The following EML1 variants were observed in gnomAD, a reference collection of about 807,000 sequenced individuals.
The protein encoded by EML1 is echinoderm microtubule-associated protein-like 1.
EML1 carries 27 observed loss-of-function variants against 110.4 expected under a neutral mutation model. That is an observed-to-expected ratio of 0.24 (90% CI 0.18 to 0.34). The LOEUF is 0.34. Among genes scored for constraint, EML1 ranks in the 10% least tolerant of loss-of-function variants. The probability of loss-of-function intolerance (pLI) is 1.00; values close to 1 mark genes in which losing one functional copy is unlikely to be tolerated. For synonymous variants in EML1, 344 were observed against 385.8 expected (o/e 0.89, Z 1.27); for missense variants, 741 against 1,030.9 (o/e 0.72, Z 3.85).
At chr14:99,804,572 T>C (rs1348309083) in intron 1 of EML1, among the ~76,000 whole-genome samples, 1 of 152,150 alleles carries the variant, frequency 6.6e-6, no homozygotes, top group African/African-American at 2.4e-5. Context: ...CTGTCCATGG[T>C]ATACTAAGTA....
chr14:99,937,682 C>T lies in EML1; in HGVS notation c.2096-135C>T, dbSNP rs191524524. The T allele has an allele frequency of 1.7e-4, 120 of 698,916 alleles. 1 individual carries two copies. The African/African-American group carries it at 1.9e-3, about 11-fold the overall frequency. The allele number at this position is 698,916 out of a possible 1,614,324, so 43.3% of individuals were successfully genotyped here. ...CATCTGTGCACACGTGGTTCCTGCC[C>T]GACTGGGAAGTGGAAGGTCTCCCTC... On this transcript the variant is annotated intron_variant, in intron 19 of 21. Coordinates refer to ENST00000262233, the MANE Select transcript of EML1 (RefSeq NM_004434.3).
chr14:99,784,156 T>A lies in EML1; in HGVS notation c.-27+10143T>A, dbSNP rs1446562260. Among the ~76,000 whole-genome samples, 2 of 152,182 alleles carry A rather than the reference T, an allele frequency of 1.3e-5. No homozygotes were observed. The highest frequency in any genetic ancestry group is 2.9e-5 in the Non-Finnish European group (2 of 68,032). The stretch of plus-strand genomic sequence containing the variant: ...CCCAGGCTGGAGTGCAGTGGCACGA[T>A]CACGGCTCACTGTAGCCTTGACCAC... On this transcript the variant is annotated intron_variant, in intron 1 of 22. Transcript: ENST00000327921. The surrounding 1 kb of genome is among the most constrained non-coding windows in gnomAD (Gnocchi z 4.5).
At chr14:99,873,418 A>G (rs1566910224) in intron 3 of EML1, among the ~76,000 whole-genome samples, 1 of 152,224 alleles carries the variant, frequency 6.6e-6, no homozygotes, top group Non-Finnish European at 1.5e-5. Flanking sequence ...TGAAGAATAG[A>G]AAGCCAAAAT....
Position 99,939,898 on chromosome 14 carries a change from A to T in EML1, c.2323-89A>T. 1 of 1,420,328 alleles carries T rather than the reference A, an allele frequency of 7.0e-7. No homozygotes were observed. The highest frequency in any genetic ancestry group is 9.3e-7 in the Non-Finnish European group (1 of 1,073,942). 88.0% of individuals were successfully genotyped at this position (1,420,328 alleles called of 1,614,324 possible). A position where few individuals can be genotyped will look rare whatever the true frequency, so the allele number is the denominator to read the frequency against. ...CGAGCGGAGGGCGAGTAAAGGAATT[A>T]AGGCATGCAGTGAGAATTCAAGCAC... On this transcript the variant is annotated intron_variant, in intron 21 of 21. Coordinates refer to ENST00000262233, the MANE Select transcript of EML1 (RefSeq NM_004434.3). This position sits in a 1 kb window ranked among gnomAD's most constrained non-coding sequence, Gnocchi z 4.2.
At position 99,849,541 on chromosome 14, in the gene EML1, ATTTAT is replaced by A. The variant is rs571009107; in HGVS notation, c.68-1309_68-1305del. The stretch of plus-strand genomic sequence containing the variant: ...TGTGTGTGTGTGTGTATATATATTT[ATTTAT>A]TTATTTATTTGTTTATTTTGAGACA... On this transcript the variant is annotated intron_variant, in intron 1 of 21. Coordinates refer to ENST00000262233, the MANE Select transcript of EML1 (RefSeq NM_004434.3). 4.3e-3 allele frequency among the ~76,000 whole-genome samples: 632 copies of A among 147,942 alleles called. 1 individual carries two copies. The highest frequency in any genetic ancestry group is 6.3e-3 in the Non-Finnish European group (418 of 66,866).
chr14:99,827,220 A>G lies in EML1; in HGVS notation c.68-23633A>G, dbSNP rs1194364717. ...GCTAGTGTCCTTATAAGAAGAGGAG[A>G]TTAGTCACAGACACGTAGAGGAGGA... On this transcript the variant is annotated intron_variant, in intron 1 of 21. Coordinates refer to ENST00000262233, the MANE Select transcript of EML1 (RefSeq NM_004434.3). The surrounding 1 kb of genome is among the most constrained non-coding windows in gnomAD (Gnocchi z 4.4). Among the ~76,000 whole-genome samples the G allele has an allele frequency of 6.6e-6, 1 of 151,990 alleles. No individual in the cohort carries two copies. The highest frequency in any genetic ancestry group is 1.9e-4 in the East Asian group (1 of 5,180).
At chr14:99,915,640 A>G (rs956965404) in intron 15 of EML1, among the ~76,000 whole-genome samples, 2 of 152,062 alleles carry the variant, frequency 1.3e-5, no homozygotes, top group Non-Finnish European at 2.9e-5. Context: ...ATTGAGGTGT[A>G]GAGAAGTTAA....
intron 7 of EML1, 50 bp from the exon 8 acceptor site, chr14:99,898,183 G>A (rs763815699): frequency 3.8e-5 from 56 of 1,489,880 alleles, no homozygotes; most frequent in Non-Finnish European, 4.8e-5. Flanking sequence ...CAAGGGAAAA[G>A]TAAAACTTAC....
At chr14:99,927,958 T>A (rs867910835) in intron 17 of EML1, among the ~76,000 whole-genome samples, 1 of 96,364 alleles carries the variant, frequency 1.0e-5, no homozygotes, top group African/African-American at 5.3e-5. Flanking sequence ...GTGGTGGAGG[T>A]GGTGGTGGTG....
upstream of EML1, among the ~76,000 whole-genome samples, chr14:99,771,269 T>C (rs2057425468): frequency 1.3e-5 from 2 of 152,206 alleles, no homozygotes; most frequent in Admixed American, 1.3e-4. Flanking sequence ...TGGGCAACCA[T>C]TAATCTACTT....
chr14:99,828,324 G>A (rs143600083), intron 1 of EML1, among the ~76,000 whole-genome samples: 300 of 152,188 alleles, frequency 2.0e-3, no homozygotes, highest in African/African-American at 6.8e-3. Flanking sequence ...ACCTTGTGCC[G>A]TCTGCTTTCA....
At chr14:99,924,873 A>G (rs370289390) in intron 17 of EML1, among the ~76,000 whole-genome samples, 25 of 152,236 alleles carry the variant, frequency 1.6e-4, no homozygotes, top group South Asian at 1.5e-3. Flanking sequence ...TATTTTATTA[A>G]TATCACTACA....
rs370080693 is a variant in EML1 at position 99,898,404 on chromosome 14, T to C, written c.897+102T>C. ...GAGTAAGGCTGCTTAGATATAATTATGGTATCTGAAAACTTCTGAACCCCT... is the reference window on the plus strand; with the variant it reads ...GAGTAAGGCTGCTTAGATATAATTACGGTATCTGAAAACTTCTGAACCCCT... On this transcript the variant is annotated intron_variant, in intron 8 of 21. Transcript: ENST00000262233. 1.0e-4 allele frequency: 118 copies of C among 1,164,834 alleles called. No individual in the cohort carries two copies. The East Asian group carries it at 1.6e-3, about 16-fold the overall frequency. The allele number at this position is 1,164,834 out of a possible 1,614,324, so 72.2% of individuals were successfully genotyped here.
chr14:99,762,607 G>A (rs972123176), intron 1 of EML1, among the ~76,000 whole-genome samples: 1 of 152,128 alleles, frequency 6.6e-6, no homozygotes, highest in Non-Finnish European at 1.5e-5. Context: ...AAACCAGCCT[G>A]GGCAACATGA....
chr14:99,819,095 A>G (rs956234622), intron 1 of EML1, among the ~76,000 whole-genome samples: 1 of 152,002 alleles, frequency 6.6e-6, no homozygotes, highest in African/African-American at 2.4e-5. Context: ...GACTGTAGGC[A>G]TGCACCACCC....
intron 15 of EML1, among the ~76,000 whole-genome samples, chr14:99,916,900 C>G (rs1299741179): frequency 6.6e-6 from 1 of 152,244 alleles, no homozygotes; most frequent in African/African-American, 2.4e-5. Context: ...ATCCCTCCCT[C>G]CCCTGTGTAT....
intron 3 of EML1, among the ~76,000 whole-genome samples, chr14:99,876,991 G>C (rs551631445): frequency 6.6e-6 from 1 of 152,200 alleles, no homozygotes; most frequent in African/African-American, 2.4e-5. Context: ...TATGTACAGA[G>C]ATACCTATAC....
At chr14:99,912,311 C>A (rs2059960070) in intron 13 of EML1, among the ~76,000 whole-genome samples, 1 of 152,178 alleles carries the variant, frequency 6.6e-6, no homozygotes, top group Non-Finnish European at 1.5e-5. Flanking sequence ...GGCTGTGACT[C>A]CTTTTGATAC....
chr14:99,768,900 T>C (rs529668840), upstream of EML1, among the ~76,000 whole-genome samples: 9 of 152,170 alleles, frequency 5.9e-5, no homozygotes, highest in South Asian at 1.7e-3. Context: ...GTATTTTTAG[T>C]AGAGTTGGTG....
Sources: gnomAD v4.1 joint callset for allele counts (sites outside exome capture counted in the v4.1 genomes callset) on GRCh38, gnomAD v4.1.1 for gene constraint, Gnocchi (gnomAD v3.1) non-coding constraint, MANE v1.5 for transcripts, NCBI Gene and HGNC (gene_info 2026-07-23, HGNC 2026-07-21) for gene names.